Variants in MRNIP observed in about 807,000 individuals in gnomAD.
MRNIP encodes the protein MRN complex-interacting protein.
MRNIP carries 30 observed loss-of-function variants against 29.8 expected under a neutral mutation model. The observed-to-expected ratio is 1.01, with a 90% CI of 0.75 to 1.36. The LOEUF (loss-of-function observed/expected upper bound fraction) is 1.36, where lower values mean the gene tolerates loss of function less well. MRNIP is among the 40% of genes most tolerant of loss of function. The probability of loss-of-function intolerance (pLI) is 0.00; values close to 1 mark genes in which losing one functional copy is unlikely to be tolerated. For missense variants in MRNIP, 459 were observed against 423.5 expected, an observed-to-expected ratio of 1.08 and a Z score of -0.74; for synonymous variants, 201 against 164.1, an observed-to-expected ratio of 1.23 and a Z score of -1.72.
At chr5:179,854,079 G>A (rs574556698) in intron 1 of MRNIP, among the ~76,000 whole-genome samples, 13 of 148,670 alleles carry the variant, frequency 8.7e-5, no homozygotes, top group Non-Finnish European at 1.3e-4. Flanking sequence ...GGAGTGCAGC[G>A]GCGCAATCTC....
intron 4 of MRNIP, among the ~76,000 whole-genome samples, chr5:179,842,397 G>A (rs1372806702): frequency 2.6e-5 from 4 of 151,894 alleles, no homozygotes; most frequent in African/African-American, 9.7e-5. Flanking sequence ...AAGAACAGAA[G>A]TAGCCGGGCG....
chr5:179,847,394 T>C (rs1759182452), intron 3 of MRNIP: 1 of 152,636 alleles, frequency 6.6e-6, no homozygotes, highest in Non-Finnish European at 1.5e-5. Flanking sequence ...GGTCTCGAAC[T>C]CCTGACCTCG....
At chr5:179,847,193 A>C (rs1478171541) in intron 3 of MRNIP, 2 of 97,094 alleles carry the variant, frequency 2.1e-5, no homozygotes, top group South Asian at 7.1e-4. Context: ...TTTTTGAGAT[A>C]GTCTCGTTCT....
rs556428587 is a variant in MRNIP at position 179,845,482 on chromosome 5, T to C, written c.216-1255A>G. ...ATTTTTAATTTCAATGATTATACTT[T>C]TAAGTTCTACAAACTCTTTTATTTT... On this transcript the variant is annotated intron_variant, in intron 3 of 6. Transcript: ENST00000292586. Among the ~76,000 whole-genome samples the C allele has an allele frequency of 2.2e-4, 34 of 151,196 alleles. No homozygotes were observed. In the South Asian group the frequency reaches 6.9e-3, roughly 31 times the overall value.
At chr5:179,848,128 C>T in intron 2 of MRNIP, 62 bp from the exon 3 acceptor site, 1 of 1,245,498 alleles carries the variant, frequency 8.0e-7, no homozygotes. Context: ...GAAACAGATC[C>T]ATTTGAGATG....
chr5:179,849,481 A>G (rs1222183527), intron 2 of MRNIP, among the ~76,000 whole-genome samples: 31 of 97,358 alleles, frequency 3.2e-4, no homozygotes, highest in Admixed American at 6.4e-4. Flanking sequence ...TCCTGCAATG[A>G]CACAGGCAGA....
intron 1 of MRNIP, among the ~76,000 whole-genome samples, chr5:179,857,684 A>G (rs1759652003): frequency 6.6e-6 from 1 of 152,150 alleles, no homozygotes; most frequent in Non-Finnish European, 1.5e-5. Context: ...ACACATACTC[A>G]GCATCTTGCT....
chr5:179,855,914 T>G (rs1229008678), intron 1 of MRNIP, among the ~76,000 whole-genome samples: 3 of 148,198 alleles, frequency 2.0e-5, no homozygotes, highest in South Asian at 2.1e-4. Flanking sequence ...GTTGTTTTTT[T>G]TTTTTTTTTT....
chr5:179,841,048 G>C, intron 5 of MRNIP, 89 bp from the exon 6 acceptor site: 3 of 905,414 alleles, frequency 3.3e-6, no homozygotes, highest in Non-Finnish European at 5.1e-6. Flanking sequence ...ACAGGCTCGG[G>C]TGGCCACCTG....
At chr5:179,853,494 G>A in intron 1 of MRNIP, 57 bp from the exon 2 acceptor site, 3 of 1,444,808 alleles carry the variant, frequency 2.1e-6, no homozygotes, top group Admixed American at 1.7e-5. Context: ...AAATGGAATT[G>A]GGCTGGACTC....
chr5:179,840,709 G>A (rs564336205), intron 6 of MRNIP, 163 bp downstream of exon 6: 16 of 644,768 alleles, frequency 2.5e-5, no homozygotes, highest in Admixed American at 9.3e-5. Context: ...GTACAGACCC[G>A]AGGAAGGAGT....
Position 179,840,598 on chromosome 5 carries a change from A to C in MRNIP, c.537+274T>G, listed in dbSNP as rs116756638. The C allele has an allele frequency of 3.6e-3, 2,058 of 568,814 alleles. 46 individuals carry two copies. The highest frequency in any genetic ancestry group is 0.036 in the African/African-American group (1,901 of 52,934). The allele number at this position is 568,814 out of a possible 1,614,324, so 35.2% of individuals were successfully genotyped here. On this transcript the variant is annotated intron_variant, in intron 6 of 6. Coordinates refer to ENST00000292586, the MANE Select transcript of MRNIP (RefSeq NM_016175.4). ...GAGACGATGGCCCTGACCCATCGTC[A>C]GGTTGACCTGCTGGCCAACCTCAGT...
Position 179,837,826 on chromosome 5 carries a change from G to A in MRNIP, c.597C>T (p.Asn199=). The A allele has an allele frequency of 6.2e-7, 1 of 1,613,204 alleles. No homozygotes were observed. Among genetic ancestry groups the A allele is most frequent in the South Asian group, 1.1e-5 (1 of 91,092 alleles). Residue 199 remains asparagine (N), a synonymous_variant, in exon 7 of 7, where the codon AAC becomes AAT. Transcript: ENST00000292586. ...GCTCCCCGGCACTGCAGTCTGCAGA[G>A]TTCTCCTGGAGGCAGGGGCTGCTGC... ...KQGSSPCLQE[N]SADCSAGELR... is the part of the protein sequence containing the mutation.
intron 4 of MRNIP, among the ~76,000 whole-genome samples, chr5:179,843,189 CGTT>C (rs1758989343): frequency 6.6e-6 from 1 of 151,670 alleles, no homozygotes; most frequent in South Asian, 2.1e-4. Flanking sequence ...TTTTTTGAGA[CGTT>C]GGGGCTCCAG....
chr5:179,838,085 G>A (rs1264848421), intron 6 of MRNIP, 200 bp from the exon 7 acceptor site: 1 of 597,534 alleles, frequency 1.7e-6, no homozygotes, highest in African/African-American at 1.9e-5. Flanking sequence ...CAAACCTTCT[G>A]CTAAATTGCA....
At chr5:179,852,180 G>A (rs1025177554) in intron 2 of MRNIP, among the ~76,000 whole-genome samples, 4 of 151,526 alleles carry the variant, frequency 2.6e-5, no homozygotes, top group African/African-American at 9.7e-5. Flanking sequence ...CAGATACTCA[G>A]GAGGCTGAGG....
intron 2 of MRNIP, chr5:179,851,391 T>C: frequency 2.2e-6 from 1 of 456,042 alleles, no homozygotes; most frequent in South Asian, 1.5e-5. Context: ...AATGAGATTC[T>C]ATGGACTTGG....
rs1446135259 is a variant in MRNIP, at chr5:179,847,157, CTTACTTT to C, written c.215+814_215+820del. 3.9e-4 allele frequency: 44 copies of C among 111,970 alleles called. 1 individual carries two copies. The highest frequency in any genetic ancestry group is 1.4e-3 in the African/African-American group (44 of 31,950). The allele number at this position is 111,970 out of a possible 1,614,324, so 6.9% of individuals were successfully genotyped here. A position where few individuals can be genotyped will look rare whatever the true frequency, so the allele number is the denominator to read the frequency against. On this transcript the variant is annotated intron_variant, in intron 3 of 6. Coordinates refer to ENST00000292586, the MANE Select transcript of MRNIP (RefSeq NM_016175.4). ...CTTCATTTTTGACCTCTGAGAGTTACTTACTTTTTTTTTTTTTTTTTTTTTTTTTTGA... is the reference window on the plus strand; with the variant it reads ...CTTCATTTTTGACCTCTGAGAGTTACTTTTTTTTTTTTTTTTTTTTTTTGA...
At chr5:179,852,230 G>T (rs1759402792) in intron 2 of MRNIP, among the ~76,000 whole-genome samples, 1 of 150,458 alleles carries the variant, frequency 6.6e-6, no homozygotes, top group African/African-American at 2.4e-5. Context: ...AGGTTGCAGT[G>T]AGCCGAGATT....
Sources: allele counts gnomAD v4.1 joint callset (sites outside exome capture counted in the v4.1 genomes callset), GRCh38; gene constraint gnomAD v4.1.1; transcripts MANE v1.5; gene names NCBI Gene and HGNC (gene_info 2026-07-23, HGNC 2026-07-21).